ADAMTS18: variants seen among roughly 807,000 people sequenced by gnomAD.
ADAMTS18 encodes ADAM metallopeptidase with thrombospondin type 1 motif 18.
Under a neutral mutation model 165.9 loss-of-function variants are expected in ADAMTS18, and 157 were observed. The ratio of observed to expected loss-of-function variants is 0.95; its 90% confidence interval spans 0.83 to 1.08. The LOEUF is 1.08. Ranked by LOEUF, ADAMTS18 falls within the 50% of genes least tolerant of loss-of-function variation. The pLI, the probability that ADAMTS18 is intolerant of heterozygous loss-of-function variation, is 0.00. For synonymous variants in ADAMTS18, 782 were observed against 578.2 expected (o/e 1.35, Z -5.06); for missense variants, 2,040 against 1,534.0 (o/e 1.33, Z -5.51).
At chr16:77,293,623 G>T (rs35457602) in intron 19 of ADAMTS18, among the ~76,000 whole-genome samples, 1 of 151,338 alleles carries the variant, frequency 6.6e-6, no homozygotes, top group Non-Finnish European at 1.5e-5. Flanking sequence ...ATTCCCTAAC[G>T]TATCAGTCTC....
At chr16:77,344,159 A>G (rs368257137) in intron 10 of ADAMTS18, among the ~76,000 whole-genome samples, 3 of 115,434 alleles carry the variant, frequency 2.6e-5, no homozygotes, top group Admixed American at 1.6e-4. Context: ...GTGTGTGTAT[A>G]TATATATATA....
intron 21 of ADAMTS18, 120 bp downstream of exon 21, chr16:77,291,146 T>A: frequency 2.7e-6 from 3 of 1,122,336 alleles, no homozygotes; most frequent in Non-Finnish European, 4.0e-6. Context: ...CTTCAGAACT[T>A]GAGCCCTTAG....
At chr16:77,291,155 A>G in intron 21 of ADAMTS18, 111 bp downstream of exon 21, 1 of 1,202,648 alleles carries the variant, frequency 8.3e-7, no homozygotes. Context: ...TTGAGCCCTT[A>G]GTTGTTTTTA....
chr16:77,383,936 A>G (rs972578454), intron 3 of ADAMTS18, among the ~76,000 whole-genome samples: 1 of 151,524 alleles, frequency 6.6e-6, no homozygotes, highest in Admixed American at 6.6e-5. Context: ...AACAAAGCCA[A>G]CCTTGTCATT....
At chr16:77,298,349 G>C (rs985255485) in intron 17 of ADAMTS18, among the ~76,000 whole-genome samples, 1 of 152,130 alleles carries the variant, frequency 6.6e-6, no homozygotes, top group East Asian at 1.9e-4. Flanking sequence ...TAGAGATGCT[G>C]CCTCCCCTTT....
At chr16:77,345,470 AT>A (rs2056462223) in intron 10 of ADAMTS18, among the ~76,000 whole-genome samples, 1 of 152,126 alleles carries the variant, frequency 6.6e-6, no homozygotes, top group Non-Finnish European at 1.5e-5. Context: ...AATCTGAACA[AT>A]TATGGCCACC....
chr16:77,390,713 G>T (rs2057175030), intron 3 of ADAMTS18, among the ~76,000 whole-genome samples: 1 of 148,912 alleles, frequency 6.7e-6, no homozygotes, highest in South Asian at 2.1e-4. Context: ...AAAAAAAAAA[G>T]AAGAATCACC....
chr16:77,289,321 T>G lies in ADAMTS18; in HGVS notation c.3493A>C (p.Lys1165Gln), dbSNP rs1424622613. 6.2e-7 allele frequency: 1 copy of G among 1,614,018 alleles called. No individual in the cohort carries two copies. Among genetic ancestry groups the G allele is most frequent in the East Asian group, 2.2e-5 (1 of 44,890 alleles). Reference sequence around the variant, plus strand: ...TTACAGGCTCGTAGCACCGGAGGTTTCTGATGGAGCAGACAACTTGAGGAA... The same window carrying G: ...TTACAGGCTCGTAGCACCGGAGGTTGCTGATGGAGCAGACAACTTGAGGAA... Reference protein sequence around the residue: ...RPSSSCLLHQKPPVLRACNTN... With the variant: ...RPSSSCLLHQQPPVLRACNTN... Residue 1165 changes from lysine to glutamine, a missense_variant, in exon 22 of 23, where the codon AAA (lysine) becomes CAA (glutamine). By Grantham distance (53) the Lys-to-Gln change is moderately conservative. Coordinates refer to ENST00000282849, the MANE Select transcript of ADAMTS18 (RefSeq NM_199355.4).
chr16:77,287,856 G>T (rs954147989), intron 22 of ADAMTS18, among the ~76,000 whole-genome samples: 1 of 152,100 alleles, frequency 6.6e-6, no homozygotes, highest in Admixed American at 6.5e-5. Context: ...GACCATCACT[G>T]TAACACTGTG....
intron 3 of ADAMTS18, among the ~76,000 whole-genome samples, chr16:77,417,859 C>T (rs1350297732): frequency 6.6e-6 from 1 of 152,200 alleles, no homozygotes; most frequent in Non-Finnish European, 1.5e-5. Flanking sequence ...TTGCAAAGCA[C>T]AGGAAACATC....
intron 16 of ADAMTS18, among the ~76,000 whole-genome samples, chr16:77,302,832 G>A (rs1257949626): frequency 3.3e-5 from 5 of 152,108 alleles, no homozygotes; most frequent in African/African-American, 1.2e-4. Context: ...TGGTTTCACT[G>A]CAAAACATTT....
intron 3 of ADAMTS18, among the ~76,000 whole-genome samples, chr16:77,404,830 T>C (rs972823734): frequency 6.6e-6 from 1 of 152,174 alleles, no homozygotes; most frequent in African/African-American, 2.4e-5. Flanking sequence ...ACTAGGAAGA[T>C]GGCCAAGTAA....
chr16:77,400,591 C>G (rs2057318106), intron 3 of ADAMTS18, among the ~76,000 whole-genome samples: 1 of 151,658 alleles, frequency 6.6e-6, no homozygotes, highest in African/African-American at 2.4e-5. Flanking sequence ...ACGCCATTCT[C>G]CTGCCTCAGC....
chr16:77,340,563 A>C (rs1478003485), intron 11 of ADAMTS18, among the ~76,000 whole-genome samples: 3 of 152,104 alleles, frequency 2.0e-5, no homozygotes, highest in African/African-American at 7.2e-5. Context: ...AGTAATGAAT[A>C]AATTATTGTG....
chr16:77,384,788 T>G (rs1212639625), intron 3 of ADAMTS18, among the ~76,000 whole-genome samples: 1 of 151,900 alleles, frequency 6.6e-6, no homozygotes, highest in Non-Finnish European at 1.5e-5. Context: ...TAACATCCAG[T>G]TCATCAGCTC....
chr16:77,408,582 G>A (rs1356558783), intron 3 of ADAMTS18, among the ~76,000 whole-genome samples: 1 of 152,112 alleles, frequency 6.6e-6, no homozygotes, highest in Admixed American at 6.6e-5. Flanking sequence ...TTGAGCAAAA[G>A]AAACTCGACA....
intron 22 of ADAMTS18, among the ~76,000 whole-genome samples, chr16:77,287,936 C>CT (rs2055287273): frequency 6.6e-6 from 1 of 152,160 alleles, no homozygotes; most frequent in African/African-American, 2.4e-5. Context: ...TAGGACCCAG[C>CT]TGTATTCTTT....
chr16:77,413,181 T>C (rs1237330593), intron 3 of ADAMTS18, among the ~76,000 whole-genome samples: 1 of 152,154 alleles, frequency 6.6e-6, no homozygotes, highest in East Asian at 1.9e-4. Context: ...CCTAAACTGA[T>C]AATTCTTTCT....
intron 3 of ADAMTS18, among the ~76,000 whole-genome samples, chr16:77,403,895 T>G (rs767417996): frequency 2.2e-4 from 34 of 152,066 alleles, no homozygotes; most frequent in Non-Finnish European, 1.6e-4. Context: ...GTGAATCTAG[T>G]TGGAGAAGAG....
Sources: gnomAD v4.1 joint callset for allele counts (sites outside exome capture counted in the v4.1 genomes callset) on GRCh38, gnomAD v4.1.1 for gene constraint, MANE v1.5 for transcripts, NCBI Gene and HGNC (gene_info 2026-07-23, HGNC 2026-07-21) for gene names.